MGMT: variants seen among roughly 807,000 people sequenced by gnomAD.
MGMT encodes the protein methylated-DNA--protein-cysteine methyltransferase.
In MGMT, 14 loss-of-function variants were observed where a neutral mutation model predicts 15.9. That is an observed-to-expected ratio of 0.88 (90% CI 0.58 to 1.37). The LOEUF (loss-of-function observed/expected upper bound fraction) is 1.37, where lower values mean the gene tolerates loss of function less well. Among genes scored for constraint, MGMT ranks in the 40% most tolerant of loss-of-function variants. The probability of loss-of-function intolerance (pLI) is 0.00; values close to 1 mark genes in which losing one functional copy is unlikely to be tolerated. For missense variants in MGMT, 282 were observed against 268.1 expected, an observed-to-expected ratio of 1.05 and a Z score of -0.36; for synonymous variants, 130 against 118.2, an observed-to-expected ratio of 1.10 and a Z score of -0.65.
At chr10:129,708,303 G>T (rs530763202) in intron 3 of MGMT, among the ~76,000 whole-genome samples, 1 of 152,158 alleles carries the variant, frequency 6.6e-6, no homozygotes, top group Non-Finnish European at 1.5e-5. Context: ...CTTGACTCTC[G>T]CTGGCTGAAA....
intron 2 of MGMT, among the ~76,000 whole-genome samples, chr10:129,592,583 C>T (rs1846699552): frequency 6.6e-6 from 1 of 152,176 alleles, no homozygotes; most frequent in South Asian, 2.1e-4. Flanking sequence ...CACATGGAAA[C>T]TGTGGTTTGG....
At chr10:129,625,310 T>C (rs1036980545) in intron 2 of MGMT, among the ~76,000 whole-genome samples, 7 of 152,236 alleles carry the variant, frequency 4.6e-5, no homozygotes, top group African/African-American at 1.4e-4. Context: ...TCCAATCTTA[T>C]ATTAGCCCTT....
chr10:129,756,078 G>A (rs1402174993), intron 3 of MGMT, among the ~76,000 whole-genome samples: 1 of 152,218 alleles, frequency 6.6e-6, no homozygotes, highest in Non-Finnish European at 1.5e-5. Context: ...TGACCAGCAT[G>A]AGAAAAGGGC....
chr10:129,580,045 T>G (rs763541186), intron 2 of MGMT, among the ~76,000 whole-genome samples: 9 of 152,172 alleles, frequency 5.9e-5, no homozygotes, highest in Non-Finnish European at 1.2e-4. Flanking sequence ...ATTTATTAGG[T>G]GTTCCAGGCT....
intron 2 of MGMT, among the ~76,000 whole-genome samples, chr10:129,599,389 C>A (rs1419549095): frequency 1.3e-5 from 2 of 152,224 alleles, no homozygotes; most frequent in Non-Finnish European, 2.9e-5. Context: ...AGGAAGTAGT[C>A]ATGTACAAAT....
intron 1 of MGMT, among the ~76,000 whole-genome samples, chr10:129,476,975 C>T (rs756606300): frequency 2.6e-5 from 4 of 152,110 alleles, no homozygotes; most frequent in South Asian, 2.1e-4. Context: ...GCAGCCTCCC[C>T]GCCTGTGGAC....
At position 129,752,455 on chromosome 10, in the gene MGMT, G is replaced by A. The variant is rs574393395; in HGVS notation, c.275-6747G>A. Among the ~76,000 whole-genome samples, 129 of 151,994 alleles carry A rather than the reference G, an allele frequency of 8.5e-4. 1 individual carries two copies. Among genetic ancestry groups the A allele is most frequent in the Admixed American group, 3.6e-3 (55 of 15,284 alleles). On this transcript the variant is annotated intron_variant, in intron 3 of 4. Transcript: ENST00000651593. ...CAGTCTCTATCTTTTCCTTGGCATG[G>A]TTAGATCATTTACATTTAATGTAAT...
chr10:129,650,234 G>T (rs936949162), intron 2 of MGMT, among the ~76,000 whole-genome samples: 3 of 152,154 alleles, frequency 2.0e-5, no homozygotes, highest in African/African-American at 7.2e-5. Context: ...GGCTTGAGCA[G>T]CCTTGAGGTG....
At chr10:129,570,342 C>A (rs998272877) in intron 2 of MGMT, among the ~76,000 whole-genome samples, 3 of 152,280 alleles carry the variant, frequency 2.0e-5, no homozygotes, top group African/African-American at 7.2e-5. Context: ...CCGGTGCTTA[C>A]AGGTCACGAG....
chr10:129,501,004 G>A (rs1167536492), intron 1 of MGMT, among the ~76,000 whole-genome samples: 1 of 152,210 alleles, frequency 6.6e-6, no homozygotes. Flanking sequence ...ACTTGTAGAG[G>A]TAAAGTAAAG....
intron 2 of MGMT, among the ~76,000 whole-genome samples, chr10:129,604,739 C>CGG (rs1554917415): frequency 9.0e-6 from 1 of 110,836 alleles, no homozygotes; most frequent in Non-Finnish European, 2.0e-5. Context: ...GCCGCCCCAC[C>CGG]CCCTCCCCCC....
intron 1 of MGMT, among the ~76,000 whole-genome samples, chr10:129,517,860 A>C (rs1344890113): frequency 6.6e-6 from 1 of 152,204 alleles, no homozygotes; most frequent in African/African-American, 2.4e-5. Context: ...TGAATGAATG[A>C]GTATTCTCCT....
At chr10:129,716,751 G>A (rs938572959) in intron 3 of MGMT, among the ~76,000 whole-genome samples, 1 of 152,196 alleles carries the variant, frequency 6.6e-6, no homozygotes, top group Non-Finnish European at 1.5e-5. Context: ...GAAGGCTGTA[G>A]AAACTGTACC....
chr10:129,746,385 T>C (rs996899666), intron 3 of MGMT, among the ~76,000 whole-genome samples: 1 of 151,894 alleles, frequency 6.6e-6, no homozygotes, highest in Non-Finnish European at 1.5e-5. Context: ...ATCTAACAAC[T>C]GTTTGCCTAA....
chr10:129,747,803 C>G (rs1286447250), intron 3 of MGMT, among the ~76,000 whole-genome samples: 1 of 152,136 alleles, frequency 6.6e-6, no homozygotes, highest in East Asian at 1.9e-4. Flanking sequence ...TGTGACAGGT[C>G]CTTAGTTTTA....
chr10:129,732,679 G>A (rs1370773550), intron 3 of MGMT, among the ~76,000 whole-genome samples: 1 of 149,196 alleles, frequency 6.7e-6, no homozygotes, highest in African/African-American at 2.5e-5. Flanking sequence ...CTAGCATTAG[G>A]TATATCTCCC....
chr10:129,492,832 C>T (rs1453314727), intron 1 of MGMT, among the ~76,000 whole-genome samples: 1 of 152,180 alleles, frequency 6.6e-6, no homozygotes, highest in African/African-American at 2.4e-5. Context: ...TGGGCTGCCT[C>T]CATTAGTTCG....
intron 3 of MGMT, among the ~76,000 whole-genome samples, chr10:129,756,211 T>C (rs775035853): frequency 1.3e-5 from 2 of 152,158 alleles, no homozygotes; most frequent in Non-Finnish European, 2.9e-5. Context: ...AAAATAGCCA[T>C]GTCCTTCAGA....
intron 4 of MGMT, 104 bp from the exon 5 acceptor site, chr10:129,766,684 G>C: frequency 1.0e-5 from 11 of 1,062,034 alleles, no homozygotes; most frequent in Non-Finnish European, 1.5e-5. Context: ...ACAGGCCCCT[G>C]CTTGGTGGGC....
Sources: gnomAD v4.1 joint callset for allele counts (sites outside exome capture counted in the v4.1 genomes callset) on GRCh38, gnomAD v4.1.1 for gene constraint, MANE v1.5 for transcripts, NCBI Gene and HGNC (gene_info 2026-07-23, HGNC 2026-07-21) for gene names.